The following PPP1R14C variants were observed in gnomAD, a reference collection of about 807,000 sequenced individuals.
PPP1R14C encodes the protein protein phosphatase 1 regulatory inhibitor subunit 14C, also known as protein phosphatase 1 regulatory subunit 14C.
PPP1R14C carries 16 observed loss-of-function variants against 20.4 expected under a neutral mutation model. The observed-to-expected ratio is 0.78, with a 90% CI of 0.53 to 1.19. The LOEUF is 1.19. Ranked by LOEUF, PPP1R14C falls within the 50% of genes most tolerant of loss-of-function variation. PPP1R14C has a pLI of 0.00. For missense variants in PPP1R14C, 211 were observed against 220.1 expected (o/e 0.96, Z 0.26); for synonymous variants, 91 against 91.0 (o/e 1.00, Z 0.00).
intron 1 of PPP1R14C, among the ~76,000 whole-genome samples, chr6:150,152,511 C>T (rs1273358816): frequency 6.6e-6 from 1 of 152,200 alleles, no homozygotes; most frequent in Non-Finnish European, 1.5e-5. Flanking sequence ...CACCCCCAGC[C>T]CTGCTGTTTC....
At chr6:150,167,973 T>TCCTTCTCTCCTCCCCTTTCTCC (rs1777446626) in intron 1 of PPP1R14C, among the ~76,000 whole-genome samples, 2 of 28,204 alleles carry the variant, frequency 7.1e-5, no homozygotes, top group Non-Finnish European at 1.4e-4. Flanking sequence ...CCTCTTTCTC[T>TCCTTCTCTCCTCCCCTTTCTCC]CCTTCTCTCC....
At chr6:150,180,063 G>A (rs1777604971) in intron 1 of PPP1R14C, among the ~76,000 whole-genome samples, 1 of 152,172 alleles carries the variant, frequency 6.6e-6, no homozygotes, top group Non-Finnish European at 1.5e-5. Context: ...TTAGCCGGGA[G>A]TGGTGGCATG....
At chr6:150,205,423 G>A (rs1451063152) in intron 1 of PPP1R14C, among the ~76,000 whole-genome samples, 1 of 152,142 alleles carries the variant, frequency 6.6e-6, no homozygotes, top group East Asian at 1.9e-4. Context: ...CTTGCAAAGT[G>A]CTAAATGGCT....
At chr6:150,149,751 T>C (rs892011056) in intron 1 of PPP1R14C, among the ~76,000 whole-genome samples, 3 of 152,176 alleles carry the variant, frequency 2.0e-5, no homozygotes, top group Non-Finnish European at 4.4e-5. Flanking sequence ...TTATTCTCTA[T>C]GATGGAGACA....
chr6:150,185,451 AG>A lies in PPP1R14C; in HGVS notation c.307-29291del, dbSNP rs1421243484. 6.6e-6 allele frequency among the ~76,000 whole-genome samples: 1 copy of A among 152,168 alleles called. No homozygotes were observed. Among genetic ancestry groups the A allele is most frequent in the Non-Finnish European group, 1.5e-5 (1 of 68,032 alleles). ...TGGGGACCATCCTTGCATTAACCACAGGAATTTCCAGCAACAGTCCACTACC... is the reference window on the plus strand; with the variant it reads ...TGGGGACCATCCTTGCATTAACCACAGAATTTCCAGCAACAGTCCACTACC... On this transcript the variant is annotated intron_variant, in intron 1 of 3. Coordinates refer to ENST00000361131, the MANE Select transcript of PPP1R14C (RefSeq NM_030949.3). The surrounding 1 kb of genome is among the most constrained non-coding windows in gnomAD (Gnocchi z 4.1).
At chr6:150,190,002 G>A (rs934124606) in intron 1 of PPP1R14C, among the ~76,000 whole-genome samples, 2 of 152,128 alleles carry the variant, frequency 1.3e-5, no homozygotes, top group Non-Finnish European at 2.9e-5. Flanking sequence ...TTTCTTAGGT[G>A]CGTAGCCTGC....
chr6:150,150,927 A>G lies in PPP1R14C; in HGVS notation c.306+7429A>G, dbSNP rs75763614. On this transcript the variant is annotated intron_variant, in intron 1 of 3. Transcript: ENST00000361131. ...TCCGCCCTGTATTCCCCCACCGCAC[A>G]TGCCGCTCCGTCTTTCTCCTTCCCT... 5.8e-3 allele frequency among the ~76,000 whole-genome samples: 882 copies of G among 151,772 alleles called. 9 individuals are homozygous for G. Among genetic ancestry groups the G allele is most frequent in the South Asian group, 0.024 (117 of 4,798 alleles).
At position 150,208,980 on chromosome 6, in the gene PPP1R14C, C is replaced by T. The variant is rs376791404; in HGVS notation, c.307-5764C>T. The stretch of plus-strand genomic sequence containing the variant: ...TCCCAAGGATTCAGTTCTTTTTATA[C>T]GCTTCCTATGCCAGTTTGCTCCCAT... On this transcript the variant is annotated intron_variant, in intron 1 of 3. Coordinates refer to ENST00000361131, the MANE Select transcript of PPP1R14C (RefSeq NM_030949.3). 1.1e-3 allele frequency among the ~76,000 whole-genome samples: 171 copies of T among 152,252 alleles called. 4 individuals carry two copies. In the South Asian group the frequency reaches 0.032, roughly 28 times the overall value.
At chr6:150,221,643 AAGTC>A (rs779216444) in intron 3 of PPP1R14C, among the ~76,000 whole-genome samples, 1 of 152,140 alleles carries the variant, frequency 6.6e-6, no homozygotes, top group Non-Finnish European at 1.5e-5. Flanking sequence ...TTTGAGTCAA[AAGTC>A]TTATGCCAAT....
In PPP1R14C at chr6:150,170,611, T is replaced by C. The variant is rs190801663; in HGVS notation, c.306+27113T>C. Among the ~76,000 whole-genome samples the C allele has an allele frequency of 8.2e-4, 125 of 152,208 alleles. 1 individual carries two copies. In the Middle Eastern group the frequency reaches 0.014, roughly 17 times the overall value. On this transcript the variant is annotated intron_variant, in intron 1 of 3. Coordinates refer to ENST00000361131, the MANE Select transcript of PPP1R14C (RefSeq NM_030949.3). ...TGCTGGAATTACAGGCGTGAGCCAC[T>C]GCGCCCGGCTGCTAGTTACCTTTTA...
chr6:150,190,641 G>A (rs543619600), intron 1 of PPP1R14C, among the ~76,000 whole-genome samples: 1 of 151,970 alleles, frequency 6.6e-6, no homozygotes, highest in Non-Finnish European at 1.5e-5. Context: ...TGGCCACGAC[G>A]GTCTTGATTT....
intron 1 of PPP1R14C, among the ~76,000 whole-genome samples, chr6:150,170,899 CA>C (rs1167458989): frequency 4.0e-5 from 6 of 150,292 alleles, no homozygotes; most frequent in Non-Finnish European, 7.4e-5. Flanking sequence ...TTTTATTTAA[CA>C]TTTTTTTACA....
At chr6:150,199,984 A>G (rs554481305) in intron 1 of PPP1R14C, among the ~76,000 whole-genome samples, 3 of 152,332 alleles carry the variant, frequency 2.0e-5, no homozygotes, top group African/African-American at 7.2e-5. Flanking sequence ...AGTGGGGAAT[A>G]AACAACGAGG....
chr6:150,201,467 G>T lies in PPP1R14C; in HGVS notation c.307-13277G>T, dbSNP rs1179134085. Among the ~76,000 whole-genome samples the T allele has an allele frequency of 6.6e-6, 1 of 152,218 alleles. No individual in the cohort carries two copies. Among genetic ancestry groups the T allele is most frequent in the East Asian group, 1.9e-4 (1 of 5,194 alleles). On this transcript the variant is annotated intron_variant, in intron 1 of 3. Coordinates refer to ENST00000361131, the MANE Select transcript of PPP1R14C (RefSeq NM_030949.3). This position sits in a 1 kb window ranked among gnomAD's most constrained non-coding sequence, Gnocchi z 4.2. Reference sequence around the variant, plus strand: ...CAAAGGCCCTGTGGAGGCCTGGCTGGGGAGTGTCCTGAGGGATCGGAGGAG... The same window carrying T: ...CAAAGGCCCTGTGGAGGCCTGGCTGTGGAGTGTCCTGAGGGATCGGAGGAG...
In PPP1R14C at chr6:150,250,306, A is replaced by G. The variant is rs1230142144; in HGVS notation, c.*1486A>G. ...AAATGTATTTAATTTTGTATTGTTT[A>G]CCAATGATTTATTTACAAGATATTT... On this transcript the variant is annotated 3_prime_UTR_variant, in exon 4 of 4. Coordinates refer to ENST00000361131, the MANE Select transcript of PPP1R14C (RefSeq NM_030949.3). 2.0e-5 allele frequency: 3 copies of G among 152,614 alleles called. No individual in the cohort carries two copies. The East Asian group carries it at 5.8e-4, about 29-fold the overall frequency. 9.5% of individuals were successfully genotyped at this position (152,614 alleles called of 1,614,324 possible).
intron 1 of PPP1R14C, among the ~76,000 whole-genome samples, chr6:150,159,543 G>T (rs1414273401): frequency 6.6e-6 from 1 of 150,696 alleles, no homozygotes; most frequent in African/African-American, 2.4e-5. Flanking sequence ...CCTTCTGTCA[G>T]CCAGTGCGCT....
intron 1 of PPP1R14C, among the ~76,000 whole-genome samples, chr6:150,171,035 T>C (rs1777493104): frequency 1.3e-5 from 2 of 151,610 alleles, no homozygotes; most frequent in Admixed American, 1.3e-4. Context: ...CCCCACCAAC[T>C]CCCCCGGCGT....
chr6:150,192,747 C>G (rs77455072), intron 1 of PPP1R14C, among the ~76,000 whole-genome samples: 2 of 152,154 alleles, frequency 1.3e-5, no homozygotes, highest in African/African-American at 2.4e-5. Context: ...CTTACACAGC[C>G]GGAGTCAGAT....
chr6:150,190,617 G>T (rs1003141633), intron 1 of PPP1R14C, among the ~76,000 whole-genome samples: 13 of 152,106 alleles, frequency 8.5e-5, no homozygotes, highest in Middle Eastern at 3.4e-3. Flanking sequence ...AGTAGAGACG[G>T]TGTTTCACAA....
Sources: allele counts gnomAD v4.1 joint callset (sites outside exome capture counted in the v4.1 genomes callset), GRCh38; gene constraint gnomAD v4.1.1; non-coding constraint Gnocchi (gnomAD v3.1); transcripts MANE v1.5; gene names NCBI Gene and HGNC (gene_info 2026-07-23, HGNC 2026-07-21).